The following MALRD1 variants were observed in gnomAD, a reference collection of about 807,000 sequenced individuals.
MALRD1 encodes MAM and LDL receptor class A domain containing 1.
In MALRD1, 247 loss-of-function variants were observed where a neutral mutation model predicts 242.1. That is an observed-to-expected ratio of 1.02 (90% CI 0.92 to 1.13). The LOEUF (loss-of-function observed/expected upper bound fraction) is 1.13, where lower values mean the gene tolerates loss of function less well. Ranked by LOEUF, MALRD1 falls within the 50% of genes most tolerant of loss-of-function variation. MALRD1 has a pLI of 0.00. For synonymous variants in MALRD1, 995 were observed against 866.6 expected, an observed-to-expected ratio of 1.15 and a Z score of -2.60; for missense variants, 2,989 against 2,533.1, an observed-to-expected ratio of 1.18 and a Z score of -3.86.
intron 28 of MALRD1, among the ~76,000 whole-genome samples, chr10:19,407,537 A>G (rs1481819957): frequency 6.6e-6 from 1 of 151,976 alleles, no homozygotes; most frequent in Non-Finnish European, 1.5e-5. Context: ...GCTAAAGCAT[A>G]GACAAATTGA....
chr10:19,717,060 G>A (rs1589437053), intron 38 of MALRD1, among the ~76,000 whole-genome samples: 1 of 152,192 alleles, frequency 6.6e-6, no homozygotes, highest in Admixed American at 6.5e-5. Context: ...ATACTATCAG[G>A]TGTTTTATTT....
chr10:19,077,884 A>G (rs577225571), intron 2 of MALRD1, among the ~76,000 whole-genome samples: 18 of 151,930 alleles, frequency 1.2e-4, no homozygotes, highest in Non-Finnish European at 2.5e-4. Flanking sequence ...AATGATAATA[A>G]AATTCACTTA....
At position 19,387,777 on chromosome 10, in the gene MALRD1, G is replaced by A; in HGVS notation, c.4687+4G>A. On this transcript the variant is annotated splice_donor_region_variant and intron_variant, in intron 27 of 39. Transcript: ENST00000454679. ...CACACACTTGGAAATGAAAATGGTA[G>A]GTTATTAGATTGTTGTAATTGCTTT... 6.5e-7 allele frequency: 1 copy of A among 1,544,976 alleles called. No individual in the cohort carries two copies. The highest frequency in any genetic ancestry group is 2.4e-5 in the East Asian group (1 of 40,860).
At chr10:19,651,554 AAAAC>A (rs899098849) in intron 36 of MALRD1, among the ~76,000 whole-genome samples, 26 of 152,314 alleles carry the variant, frequency 1.7e-4, no homozygotes, top group Admixed American at 4.6e-4. Context: ...TCCCTCATAC[AAAAC>A]AAACAAACAA....
intron 2 of MALRD1, among the ~76,000 whole-genome samples, chr10:19,082,324 T>C (rs1340401638): frequency 6.6e-6 from 1 of 151,794 alleles, no homozygotes; most frequent in Non-Finnish European, 1.5e-5. Flanking sequence ...TTCTTTATGC[T>C]GTTATTGCCA....
rs369113273 is a variant in MALRD1, at chr10:19,379,637, A to G, written c.4442-7891A>G. The stretch of plus-strand genomic sequence containing the variant: ...TCTATTTTAATTCTGTTGTGCTTAG[A>G]TAGCATACTCTGCATGATTTTAATT... On this transcript the variant is annotated intron_variant, in intron 26 of 39. Coordinates refer to ENST00000454679, the MANE Select transcript of MALRD1 (RefSeq NM_001142308.3). Among the ~76,000 whole-genome samples the G allele has an allele frequency of 1.4e-3, 208 of 152,314 alleles. 1 individual carries two copies. The highest frequency in any genetic ancestry group is 4.9e-3 in the African/African-American group (204 of 41,582).
At chr10:19,678,209 G>A (rs1055648459) in intron 36 of MALRD1, among the ~76,000 whole-genome samples, 12 of 152,144 alleles carry the variant, frequency 7.9e-5, no homozygotes, top group African/African-American at 2.9e-4. Flanking sequence ...TGTGAAGAAT[G>A]TCAGTAGTCA....
At chr10:19,413,084 G>A (rs1224001750) in intron 28 of MALRD1, among the ~76,000 whole-genome samples, 1 of 152,032 alleles carries the variant, frequency 6.6e-6, no homozygotes, top group Non-Finnish European at 1.5e-5. Flanking sequence ...TACCTCCTAT[G>A]TGTAAGGTTA....
intron 21 of MALRD1, among the ~76,000 whole-genome samples, chr10:19,314,741 G>T (rs541675590): frequency 1.1e-4 from 16 of 151,506 alleles, no homozygotes; most frequent in African/African-American, 3.9e-4. Context: ...TTACTGCAAA[G>T]GTAGAGTTGA....
chr10:19,320,272 C>T (rs1339003431), intron 21 of MALRD1, among the ~76,000 whole-genome samples: 1 of 151,924 alleles, frequency 6.6e-6, no homozygotes, highest in Non-Finnish European at 1.5e-5. Context: ...TTCCTGTGTC[C>T]ATGTGTTCTC....
intron 38 of MALRD1, among the ~76,000 whole-genome samples, chr10:19,727,566 G>A (rs916137083): frequency 2.0e-5 from 3 of 152,074 alleles, no homozygotes; most frequent in African/African-American, 7.2e-5. Flanking sequence ...TGCATGATAA[G>A]GGAGAAAAAC....
At chr10:19,620,138 G>A (rs922805742) in intron 36 of MALRD1, among the ~76,000 whole-genome samples, 1 of 151,914 alleles carries the variant, frequency 6.6e-6, no homozygotes, top group African/African-American at 2.4e-5. Context: ...AAATCAAAGT[G>A]TTAGTTTAAG....
chr10:19,541,599 A>G (rs1015314114), intron 32 of MALRD1, among the ~76,000 whole-genome samples: 4 of 152,158 alleles, frequency 2.6e-5, no homozygotes, highest in African/African-American at 7.2e-5. Context: ...TATGGTATCA[A>G]TGTCTTATAT....
intron 36 of MALRD1, among the ~76,000 whole-genome samples, chr10:19,638,883 G>A (rs917301709): frequency 1.3e-5 from 2 of 152,202 alleles, no homozygotes; most frequent in Non-Finnish European, 2.9e-5. Flanking sequence ...GGTGACCATC[G>A]TAATAGGAAG....
rs560176348 is a variant in MALRD1 at position 19,267,545 on chromosome 10, G to A, written c.3079+9774G>A. ...TGGTGTTTAAGTCTTCCTTTATTCT[G>A]CAGAGATGAATGTTTATTTCAGTGT... On this transcript the variant is annotated intron_variant, in intron 19 of 39. Transcript: ENST00000454679. 2.6e-5 allele frequency among the ~76,000 whole-genome samples: 4 copies of A among 152,044 alleles called. No individual in the cohort carries two copies. In the South Asian group the frequency reaches 8.3e-4, roughly 32 times the overall value.
At chr10:19,148,782 A>ATATATATATATAT (rs1363943174) in intron 11 of MALRD1, among the ~76,000 whole-genome samples, 30 of 80,836 alleles carry the variant, frequency 3.7e-4, no homozygotes, top group African/African-American at 1.4e-3. Flanking sequence ...TTAAAAAAAA[A>ATATATATATATAT]AAAAAAATAT....
At chr10:19,656,800 T>A (rs1488228195) in intron 36 of MALRD1, among the ~76,000 whole-genome samples, 1 of 152,176 alleles carries the variant, frequency 6.6e-6, no homozygotes, top group East Asian at 1.9e-4. Context: ...CTTGACCTTG[T>A]CTTCTTGAAG....
intron 26 of MALRD1, among the ~76,000 whole-genome samples, chr10:19,378,970 T>G (rs1377615133): frequency 6.6e-6 from 1 of 152,154 alleles, no homozygotes; most frequent in African/African-American, 2.4e-5. Flanking sequence ...TAATTATGGC[T>G]TCTATCCATG....
chr10:19,122,102 G>T (rs1242912015), intron 5 of MALRD1, among the ~76,000 whole-genome samples: 2 of 152,182 alleles, frequency 1.3e-5, no homozygotes, highest in Admixed American at 1.3e-4. Flanking sequence ...TGCCATGAGA[G>T]TATGGAGAAG....
Sources: allele counts gnomAD v4.1 joint callset (sites outside exome capture counted in the v4.1 genomes callset), GRCh38; gene constraint gnomAD v4.1.1; transcripts MANE v1.5; gene names NCBI Gene and HGNC (gene_info 2026-07-23, HGNC 2026-07-21).